The following CNTNAP2 variants were observed in gnomAD, a reference collection of about 807,000 sequenced individuals.
CNTNAP2 encodes contactin associated protein 2.
Under a neutral mutation model 155.2 loss-of-function variants are expected in CNTNAP2, and 98 were observed. The observed-to-expected ratio is 0.63, with a 90% CI of 0.54 to 0.75. The LOEUF (loss-of-function observed/expected upper bound fraction) is 0.75. Among genes scored for constraint, CNTNAP2 ranks in the 30% least tolerant of loss-of-function variants. CNTNAP2 has a pLI of 0.00. For missense variants in CNTNAP2, 1,727 were observed against 1,688.1 expected, an observed-to-expected ratio of 1.02 and a Z score of -0.40; for synonymous variants, 651 against 631.2, an observed-to-expected ratio of 1.03 and a Z score of -0.47.
chr7:146,145,244 CG>C (rs1797941477), intron 1 of CNTNAP2, among the ~76,000 whole-genome samples: 1 of 152,168 alleles, frequency 6.6e-6, no homozygotes, highest in Non-Finnish European at 1.5e-5. Flanking sequence ...GGGCCGAAAG[CG>C]TGACCAGCTG....
chr7:147,386,003 C>T (rs1325189408), intron 9 of CNTNAP2, among the ~76,000 whole-genome samples: 1 of 152,156 alleles, frequency 6.6e-6, no homozygotes, highest in African/African-American at 2.4e-5. Flanking sequence ...TTATGTGCAC[C>T]CACAGGCTCA....
At chr7:146,739,661 C>T (rs192475816) in intron 1 of CNTNAP2, among the ~76,000 whole-genome samples, 68 of 152,058 alleles carry the variant, frequency 4.5e-4, no homozygotes, top group Non-Finnish European at 9.1e-4. Flanking sequence ...CTGTTACATA[C>T]ATTTGATCTA....
intron 19 of CNTNAP2, among the ~76,000 whole-genome samples, chr7:148,218,176 A>C (rs1795680617): frequency 6.6e-6 from 1 of 152,232 alleles, no homozygotes; most frequent in African/African-American, 2.4e-5. Context: ...AAATACATTC[A>C]CTAAATGTGC....
chr7:148,266,677 A>G (rs913013261), intron 20 of CNTNAP2, among the ~76,000 whole-genome samples: 3 of 152,158 alleles, frequency 2.0e-5, no homozygotes, highest in African/African-American at 7.2e-5. Context: ...ATTGCTGTAG[A>G]TGTGGCATAT....
intron 2 of CNTNAP2, among the ~76,000 whole-genome samples, chr7:146,796,271 G>A (rs1339006730): frequency 1.3e-5 from 2 of 152,174 alleles, no homozygotes; most frequent in Admixed American, 6.5e-5. Flanking sequence ...AGACAGCAGG[G>A]TTTGCAACAG....
chr7:146,246,349 G>A (rs1412312999), intron 1 of CNTNAP2, among the ~76,000 whole-genome samples: 1 of 150,934 alleles, frequency 6.6e-6, no homozygotes, highest in Non-Finnish European at 1.5e-5. Context: ...TAGTTAAAGT[G>A]TCTCGGCCTA....
At chr7:147,160,588 A>G (rs1802006743) in intron 8 of CNTNAP2, among the ~76,000 whole-genome samples, 1 of 152,160 alleles carries the variant, frequency 6.6e-6, no homozygotes, top group African/African-American at 2.4e-5. Flanking sequence ...GGAAATTTAG[A>G]TATTTCAAAC....
intron 3 of CNTNAP2, among the ~76,000 whole-genome samples, chr7:146,889,950 T>C (rs1795743398): frequency 6.6e-6 from 1 of 152,170 alleles, no homozygotes. Context: ...TTCTTTCTCG[T>C]CCTCATTAGG....
chr7:148,057,052 T>C (rs1040562458), intron 15 of CNTNAP2, among the ~76,000 whole-genome samples: 3 of 152,222 alleles, frequency 2.0e-5, no homozygotes, highest in Non-Finnish European at 2.9e-5. Context: ...GTCTTCATTT[T>C]CTCATCTGTG....
At chr7:148,265,896 C>G (rs1796659392) in intron 20 of CNTNAP2, among the ~76,000 whole-genome samples, 1 of 152,174 alleles carries the variant, frequency 6.6e-6, no homozygotes, top group Non-Finnish European at 1.5e-5. Context: ...GCCATTTGAT[C>G]ACTTGCCTGC....
intron 9 of CNTNAP2, among the ~76,000 whole-genome samples, chr7:147,341,491 T>C (rs1795762792): frequency 3.9e-5 from 6 of 151,988 alleles, no homozygotes; most frequent in Admixed American, 3.9e-4. Flanking sequence ...AGTGAATAAA[T>C]AGATTAAAAA....
chr7:146,461,623 A>G (rs528202481), intron 1 of CNTNAP2, among the ~76,000 whole-genome samples: 29 of 152,288 alleles, frequency 1.9e-4, no homozygotes, highest in African/African-American at 7.0e-4. Context: ...GAATAGGTGA[A>G]TTGTCTGAAT....
At chr7:148,379,827 G>A (rs1799013321) in intron 21 of CNTNAP2, among the ~76,000 whole-genome samples, 1 of 152,208 alleles carries the variant, frequency 6.6e-6, no homozygotes, top group Admixed American at 6.5e-5. Context: ...CCGTGGAGCT[G>A]GCTTTATTCT....
chr7:146,610,131 A>G (rs1799109975), intron 1 of CNTNAP2, among the ~76,000 whole-genome samples: 1 of 152,210 alleles, frequency 6.6e-6, no homozygotes, highest in Admixed American at 6.5e-5. Context: ...AAGCTTGAGA[A>G]TCACCGAATA....
At chr7:148,315,871 CA>C (rs1797678274) in intron 21 of CNTNAP2, among the ~76,000 whole-genome samples, 1 of 151,646 alleles carries the variant, frequency 6.6e-6, no homozygotes, top group South Asian at 2.1e-4. Flanking sequence ...ATGGTTAAGA[CA>C]AAATGTGTTC....
intron 1 of CNTNAP2, among the ~76,000 whole-genome samples, chr7:146,707,372 G>A (rs1800984689): frequency 6.6e-6 from 1 of 152,120 alleles, no homozygotes; most frequent in Non-Finnish European, 1.5e-5. Flanking sequence ...ATAATACAGT[G>A]CCTTACTGGA....
chr7:146,684,374 C>G (rs1800557608), intron 1 of CNTNAP2, among the ~76,000 whole-genome samples: 1 of 152,014 alleles, frequency 6.6e-6, no homozygotes, highest in Admixed American at 6.6e-5. Context: ...TAGCTATGCA[C>G]TGACAGTTTT....
chr7:147,292,596 G>C (rs1018199917), intron 8 of CNTNAP2, among the ~76,000 whole-genome samples: 13 of 151,912 alleles, frequency 8.6e-5, no homozygotes, highest in African/African-American at 3.1e-4. Flanking sequence ...CTGATGATTT[G>C]GAGGAATCAG....
At chr7:147,766,729 G>A (rs996328193) in intron 13 of CNTNAP2, among the ~76,000 whole-genome samples, 19 of 151,954 alleles carry the variant, frequency 1.3e-4, no homozygotes, top group East Asian at 5.8e-4. Flanking sequence ...ACAAAATTTC[G>A]AAGGAACGGA....
Sources: gnomAD v4.1 joint callset for allele counts (sites outside exome capture counted in the v4.1 genomes callset) on GRCh38, gnomAD v4.1.1 for gene constraint, MANE v1.5 for transcripts, NCBI Gene and HGNC (gene_info 2026-07-23, HGNC 2026-07-21) for gene names.